The following DEPDC1B variants were observed in gnomAD, a reference collection of about 807,000 sequenced individuals.
DEPDC1B encodes the protein DEP domain-containing protein 1B.
In DEPDC1B, 51 loss-of-function variants were observed where a neutral mutation model predicts 66.5. The ratio of observed to expected loss-of-function variants is 0.77; its 90% CI spans 0.61 to 0.97. DEPDC1B has a LOEUF of 0.97. DEPDC1B is among the 50% of genes least tolerant of loss of function. The pLI, the probability that DEPDC1B is intolerant of heterozygous loss-of-function variation, is 0.00. For missense variants in DEPDC1B, 552 were observed against 637.1 expected, an observed-to-expected ratio of 0.87 and a Z score of 1.44; for synonymous variants, 226 against 223.6, an observed-to-expected ratio of 1.01 and a Z score of -0.10.
chr5:60,697,328 T>C (rs1034185751), intron 1 of DEPDC1B, among the ~76,000 whole-genome samples: 1 of 152,066 alleles, frequency 6.6e-6, no homozygotes, highest in Non-Finnish European at 1.5e-5. Flanking sequence ...TTTGAGAAAG[T>C]AAAGTGAGCC....
At chr5:60,610,366 C>A (rs938416796) in intron 7 of DEPDC1B, among the ~76,000 whole-genome samples, 1 of 152,210 alleles carries the variant, frequency 6.6e-6, no homozygotes, top group African/African-American at 2.4e-5. Context: ...TCAGTGGCAT[C>A]AATCATAGCT....
chr5:60,682,900 A>C (rs1188405504), intron 2 of DEPDC1B, among the ~76,000 whole-genome samples: 1 of 152,184 alleles, frequency 6.6e-6, no homozygotes, highest in Non-Finnish European at 1.5e-5. Context: ...AAATTATTCC[A>C]AAAAAATGGA....
intron 2 of DEPDC1B, among the ~76,000 whole-genome samples, chr5:60,660,797 A>T (rs575429844): frequency 4.6e-5 from 7 of 152,216 alleles, no homozygotes; most frequent in African/African-American, 7.2e-5. Flanking sequence ...CAGACTTCCT[A>T]ACAGAGGATT....
Position 60,603,378 on chromosome 5 carries a change from T to A in DEPDC1B, c.1242+13A>T, listed in dbSNP as rs776759408. The A allele has an allele frequency of 3.3e-6, 5 of 1,537,024 alleles. No homozygotes were observed. In the African/African-American group the frequency reaches 5.6e-5, roughly 17 times the overall value. On this transcript the variant is annotated intron_variant, in intron 9 of 10. Transcript: ENST00000265036. Reference sequence around the variant, plus strand: ...TGCCAATTTCATAGAACTGATAATATCCTCTCCTTTACCTGGACTCTTCGT... The same window carrying A: ...TGCCAATTTCATAGAACTGATAATAACCTCTCCTTTACCTGGACTCTTCGT...
intron 2 of DEPDC1B, among the ~76,000 whole-genome samples, chr5:60,669,156 T>C (rs780806818): frequency 2.6e-5 from 4 of 152,194 alleles, no homozygotes; most frequent in Non-Finnish European, 5.9e-5. Flanking sequence ...CTCTGGTGAA[T>C]TTACTTGTAA....
intron 7 of DEPDC1B, among the ~76,000 whole-genome samples, chr5:60,612,040 CTCTCTTGTTAGGGGCTAA>C (rs1354733093): frequency 6.6e-6 from 1 of 152,122 alleles, no homozygotes; most frequent in Admixed American, 6.5e-5. Context: ...GACAGCCTGG[CTCTCTTGTTAGGGGCTAA>C]TACAGCTGGT....
At chr5:60,698,424 G>A (rs538332709) in intron 1 of DEPDC1B, among the ~76,000 whole-genome samples, 155 of 152,310 alleles carry the variant, frequency 1.0e-3, no homozygotes, top group African/African-American at 3.6e-3. Context: ...AGACCACTAC[G>A]TGAAGATGCC....
intron 8 of DEPDC1B, among the ~76,000 whole-genome samples, chr5:60,605,339 TG>T (rs1752287056): frequency 6.6e-6 from 1 of 152,328 alleles, no homozygotes; most frequent in Admixed American, 6.5e-5. Context: ...TAAGTTGGTA[TG>T]GTAATGAATC....
At chr5:60,698,058 G>A (rs1225245488) in intron 1 of DEPDC1B, among the ~76,000 whole-genome samples, 1 of 152,066 alleles carries the variant, frequency 6.6e-6, no homozygotes, top group Non-Finnish European at 1.5e-5. Flanking sequence ...CAGGAAGAAT[G>A]AAGACTAGTC....
At chr5:60,645,874 A>G (rs1584060420) in intron 3 of DEPDC1B, among the ~76,000 whole-genome samples, 1 of 152,244 alleles carries the variant, frequency 6.6e-6, no homozygotes, top group Non-Finnish European at 1.5e-5. Flanking sequence ...TATGGCAGTA[A>G]GTATGGCATT....
intron 7 of DEPDC1B, among the ~76,000 whole-genome samples, chr5:60,632,661 G>A (rs1410378118): frequency 6.6e-6 from 1 of 152,232 alleles, no homozygotes; most frequent in Non-Finnish European, 1.5e-5. Flanking sequence ...CCTCCGAAGT[G>A]CTCAGCACCC....
chr5:60,696,624 TC>T (rs936974506), intron 1 of DEPDC1B, among the ~76,000 whole-genome samples: 7 of 152,222 alleles, frequency 4.6e-5, no homozygotes, highest in Admixed American at 2.6e-4. Context: ...AGTTTTTTTT[TC>T]ATGACATTAT....
intron 2 of DEPDC1B, among the ~76,000 whole-genome samples, chr5:60,666,112 G>A (rs1753834056): frequency 6.6e-6 from 1 of 152,170 alleles, no homozygotes; most frequent in Non-Finnish European, 1.5e-5. Flanking sequence ...TCGCAGACTC[G>A]CCACTGACTT....
chr5:60,657,187 G>A (rs1358543367), intron 2 of DEPDC1B, among the ~76,000 whole-genome samples: 1 of 152,208 alleles, frequency 6.6e-6, no homozygotes, highest in East Asian at 1.9e-4. Context: ...GAGTGCTTAT[G>A]TGTTAGGTGA....
At position 60,667,992 on chromosome 5, in the gene DEPDC1B, TA is replaced by T. The variant is rs1323663434; in HGVS notation, c.314+18969del. Among the ~76,000 whole-genome samples, 636 of 95,090 alleles carry T rather than the reference TA, an allele frequency of 6.7e-3. 9 individuals carry two copies. Among genetic ancestry groups the T allele is most frequent in the Middle Eastern group, 0.014 (1 of 74 alleles). 62.4% of individuals were successfully genotyped at this position (95,090 alleles called of 152,430 possible). A position where few individuals can be genotyped will look rare whatever the true frequency, so the allele number is the denominator to read the frequency against. ...TATTTTATATATATAAAATGGATAT[TA>T]TATATATAAAATGGATATTTTATAT... On this transcript the variant is annotated intron_variant, in intron 2 of 10. Coordinates refer to ENST00000265036, the MANE Select transcript of DEPDC1B (RefSeq NM_018369.3).
chr5:60,676,709 C>T (rs1327653017), intron 2 of DEPDC1B, among the ~76,000 whole-genome samples: 1 of 152,088 alleles, frequency 6.6e-6, no homozygotes, highest in African/African-American at 2.4e-5. Context: ...TTTAGCCGAC[C>T]CAGGCTGAAG....
rs575811739 is a variant in DEPDC1B at position 60,636,924 on chromosome 5, C to T, written c.898+1826G>A. 2.6e-5 allele frequency among the ~76,000 whole-genome samples: 4 copies of T among 152,246 alleles called. No homozygotes were observed. In the South Asian group the frequency reaches 8.3e-4, roughly 32 times the overall value. On this transcript the variant is annotated intron_variant, in intron 7 of 10. Transcript: ENST00000265036. Reference sequence around the variant, plus strand: ...GCTGACTCCGATACTAATTTAGAAGCAGCTTTCATGCCTAGCTGAGATCAA... The same window carrying T: ...GCTGACTCCGATACTAATTTAGAAGTAGCTTTCATGCCTAGCTGAGATCAA...
At position 60,684,074 on chromosome 5, in the gene DEPDC1B, A is replaced by T. The variant is rs542011567; in HGVS notation, c.314+2888T>A. Among the ~76,000 whole-genome samples the T allele has an allele frequency of 8.3e-4, 127 of 152,270 alleles. 1 individual carries two copies. In the Middle Eastern group the frequency reaches 0.02, roughly 24 times the overall value. On this transcript the variant is annotated intron_variant, in intron 2 of 10. Coordinates refer to ENST00000265036, the MANE Select transcript of DEPDC1B (RefSeq NM_018369.3). ...AAAAAATCTCTATAAAGAAAACTAC[A>T]AAACCCTGTTGAAAGAAATTGAAGA...
At chr5:60,603,744 T>C (rs1417345606) in intron 8 of DEPDC1B, among the ~76,000 whole-genome samples, 177 bp from the exon 9 acceptor site, 1 of 151,978 alleles carries the variant, frequency 6.6e-6, no homozygotes, top group Non-Finnish European at 1.5e-5. Context: ...ACAAACAAAA[T>C]GTGCATCTTC....
Sources: allele counts gnomAD v4.1 joint callset (sites outside exome capture counted in the v4.1 genomes callset), GRCh38; gene constraint gnomAD v4.1.1; transcripts MANE v1.5; gene names NCBI Gene and HGNC (gene_info 2026-07-23, HGNC 2026-07-21).